The following NPAS2 variants were observed in gnomAD, a reference collection of about 807,000 sequenced individuals.
The protein encoded by NPAS2 is neuronal PAS domain protein 2.
NPAS2 carries 23 observed loss-of-function variants against 107.5 expected under a neutral mutation model. The observed-to-expected ratio is 0.21, with a 90% CI of 0.15 to 0.30. The LOEUF (loss-of-function observed/expected upper bound fraction) is 0.30. NPAS2 is among the 10% of genes least tolerant of loss of function. The pLI is 1.00. For missense variants in NPAS2, 756 were observed against 1,043.3 expected (o/e 0.72, Z 3.79); for synonymous variants, 403 against 417.5 (o/e 0.97, Z 0.42).
At chr2:100,987,400 G>A (rs1035242529) in intron 16 of NPAS2, 2 of 152,210 alleles carry the variant, frequency 1.3e-5, no homozygotes, top group Non-Finnish European at 2.9e-5. Context: ...ACACAGAGAT[G>A]ATCATGATGA....
At chr2:100,880,013 T>TG (rs1348683712) in intron 1 of NPAS2, among the ~76,000 whole-genome samples, 2 of 152,150 alleles carry the variant, frequency 1.3e-5, no homozygotes, top group Non-Finnish European at 2.9e-5. Flanking sequence ...TGGCCTGAAA[T>TG]GGGGGACCTC....
chr2:100,965,608 G>C lies in NPAS2; in HGVS notation c.801-52G>C. 1 of 1,202,280 alleles carries C rather than the reference G, an allele frequency of 8.3e-7. No homozygotes were observed. Among genetic ancestry groups the C allele is most frequent in the Non-Finnish European group, 1.2e-6 (1 of 812,894 alleles). The allele number at this position is 1,202,280 out of a possible 1,614,324, so 74.5% of individuals were successfully genotyped here. On this transcript the variant is annotated intron_variant, in intron 9 of 20. Coordinates refer to ENST00000335681, the MANE Select transcript of NPAS2 (RefSeq NM_002518.4). The surrounding 1 kb of genome is among the most constrained non-coding windows in gnomAD (Gnocchi z 4.3). ...TGGAAAGGCATGGCCACCAGGGTGA[G>C]CCCTGCAGGGTGTCTCCTCCCTGAT...
rs565572470 is a variant in NPAS2 at position 100,830,753 on chromosome 2, T to C, written c.-23+10339T>C. 2.6e-5 allele frequency among the ~76,000 whole-genome samples: 4 copies of C among 152,178 alleles called. No individual in the cohort carries two copies. In the South Asian group the frequency reaches 6.2e-4, roughly 24 times the overall value. ...TTGTATAGAAACATCCATCCATTAT[T>C]TTTTCAATCTCAGAACTTGATGGCT... On this transcript the variant is annotated intron_variant, in intron 1 of 20. Coordinates refer to ENST00000335681, the MANE Select transcript of NPAS2 (RefSeq NM_002518.4).
intron 1 of NPAS2, among the ~76,000 whole-genome samples, chr2:100,877,460 A>AG (rs1157775922): frequency 6.8e-6 from 1 of 147,900 alleles, no homozygotes; most frequent in Non-Finnish European, 1.5e-5. Context: ...AAAAAAAAAA[A>AG]AAAAAAAGAA....
intron 1 of NPAS2, among the ~76,000 whole-genome samples, chr2:100,832,549 T>C (rs1222310390): frequency 1.3e-5 from 2 of 152,162 alleles, no homozygotes; most frequent in Non-Finnish European, 2.9e-5. Context: ...TACTGTTTGG[T>C]ATATACACAG....
At chr2:100,839,991 C>G (rs1023536157) in intron 1 of NPAS2, among the ~76,000 whole-genome samples, 6 of 152,148 alleles carry the variant, frequency 3.9e-5, no homozygotes, top group African/African-American at 1.4e-4. Context: ...TGCGTGAAGG[C>G]AGATTTTTCT....
intron 1 of NPAS2, among the ~76,000 whole-genome samples, chr2:100,857,528 T>C (rs1678654691): frequency 6.6e-6 from 1 of 152,074 alleles, no homozygotes; most frequent in Non-Finnish European, 1.5e-5. Flanking sequence ...GGTCCATATT[T>C]AGGAACAGGC....
chr2:100,968,550 G>C lies in NPAS2; in HGVS notation c.1055+122G>C. ...TCACTCAGGTGTTCCCCATTTCGAA[G>C]ATGAAGCCCAGGCCATCCCCTGCCG... On this transcript the variant is annotated intron_variant, in intron 11 of 20. Transcript: ENST00000335681. This position sits in a 1 kb window ranked among gnomAD's most constrained non-coding sequence, Gnocchi z 5.3. The C allele has an allele frequency of 1.1e-6, 1 of 941,342 alleles. No homozygotes were observed. Among genetic ancestry groups the C allele is most frequent in the Non-Finnish European group, 1.6e-6 (1 of 634,960 alleles). The allele number at this position is 941,342 out of a possible 1,614,324, so 58.3% of individuals were successfully genotyped here.
chr2:100,872,851 C>G (rs1679662890), intron 1 of NPAS2, among the ~76,000 whole-genome samples: 1 of 152,138 alleles, frequency 6.6e-6, no homozygotes. Context: ...CCCCCTACCA[C>G]CTTGGTGCGT....
intron 15 of NPAS2, among the ~76,000 whole-genome samples, chr2:100,980,358 C>T (rs985162497): frequency 1.3e-5 from 2 of 152,192 alleles, no homozygotes; most frequent in Non-Finnish European, 2.9e-5. Context: ...TTGCTTTCTC[C>T]GTTGAATTCC....
chr2:100,860,525 C>G (rs1678873985), intron 1 of NPAS2, among the ~76,000 whole-genome samples: 1 of 152,182 alleles, frequency 6.6e-6, no homozygotes, highest in Admixed American at 6.5e-5. Flanking sequence ...ATTGATTTTT[C>G]TTGCTTGAAA....
chr2:100,909,737 GTT>G (rs34081201), intron 2 of NPAS2, among the ~76,000 whole-genome samples: 15,626 of 146,904 alleles, frequency 0.11, 943 homozygotes, highest in East Asian at 0.27. Flanking sequence ...CTTCCTCTTT[GTT>G]TTTTTTTTTT....
At chr2:100,882,899 TA>T (rs1680462347) in intron 1 of NPAS2, among the ~76,000 whole-genome samples, 2 of 152,174 alleles carry the variant, frequency 1.3e-5, no homozygotes, top group Admixed American at 1.3e-4. Flanking sequence ...TCGGCTGGGC[TA>T]GGGGAGGGGC....
intron 2 of NPAS2, among the ~76,000 whole-genome samples, chr2:100,916,087 A>C (rs1490581539): frequency 6.6e-6 from 1 of 152,198 alleles, no homozygotes; most frequent in Non-Finnish European, 1.5e-5. Flanking sequence ...AAGTCATACA[A>C]AGAAATATGG....
At chr2:100,987,921 G>T (rs1274652529) in intron 16 of NPAS2, 158 bp from the exon 17 acceptor site, 1 of 761,872 alleles carries the variant, frequency 1.3e-6, no homozygotes, top group South Asian at 1.7e-5. Context: ...TGAGCTTGGG[G>T]CATCACAGGT....
rs1010998555 is a variant in NPAS2 at position 100,968,546 on chromosome 2, C to T, written c.1055+118C>T. The T allele has an allele frequency of 2.0e-6, 2 of 981,262 alleles. No individual in the cohort carries two copies. Among genetic ancestry groups the T allele is most frequent in the Middle Eastern group, 3.2e-4 (1 of 3,084 alleles). 60.8% of individuals were successfully genotyped at this position (981,262 alleles called of 1,614,324 possible). A position where few individuals can be genotyped will look rare whatever the true frequency, so the allele number is the denominator to read the frequency against. ...GCAGTCACTCAGGTGTTCCCCATTTCGAAGATGAAGCCCAGGCCATCCCCT... is the reference window on the plus strand; with the variant it reads ...GCAGTCACTCAGGTGTTCCCCATTTTGAAGATGAAGCCCAGGCCATCCCCT... On this transcript the variant is annotated intron_variant, in intron 11 of 20. Coordinates refer to ENST00000335681, the MANE Select transcript of NPAS2 (RefSeq NM_002518.4). The surrounding 1 kb of genome is among the most constrained non-coding windows in gnomAD (Gnocchi z 5.3).
rs1168497958 is a variant in NPAS2, at chr2:100,993,541, C to T, written c.2292+14C>T. On this transcript the variant is annotated intron_variant, in intron 20 of 20. Transcript: ENST00000335681. ...CACTACCTGCAGGTGGGTGCCACGGCCCAGGGGGCCCCCGTGCAGGCCTGG... is the reference window on the plus strand; with the variant it reads ...CACTACCTGCAGGTGGGTGCCACGGTCCAGGGGGCCCCCGTGCAGGCCTGG... 4.0e-6 allele frequency: 6 copies of T among 1,509,936 alleles called. No homozygotes were observed. The highest frequency in any genetic ancestry group is 4.4e-6 in the Non-Finnish European group (5 of 1,124,556). The allele number at this position is 1,509,936 out of a possible 1,614,324, so 93.5% of individuals were successfully genotyped here.
At chr2:100,993,558 C>A in intron 20 of NPAS2, 31 bp downstream of exon 20, 1 of 1,476,408 alleles carries the variant, frequency 6.8e-7, no homozygotes, top group Non-Finnish European at 9.0e-7. Flanking sequence ...GGCCCCCGTG[C>A]AGGCCTGGGA....
rs763601395 is a variant in NPAS2, at chr2:100,990,458, C to T, written c.2018+12C>T. The T allele has an allele frequency of 6.2e-7, 1 of 1,613,616 alleles. No homozygotes were observed. The highest frequency in any genetic ancestry group is 8.5e-7 in the Non-Finnish European group (1 of 1,179,564). On this transcript the variant is annotated intron_variant, in intron 18 of 20. Transcript: ENST00000335681. ...GATCGGCAGCTCAGGTACGAGACTG[C>T]CCTTGTTTAAAGGATAACCCAGGCA...
Sources: allele counts gnomAD v4.1 joint callset (sites outside exome capture counted in the v4.1 genomes callset), GRCh38; gene constraint gnomAD v4.1.1; non-coding constraint Gnocchi (gnomAD v3.1); transcripts MANE v1.5; gene names NCBI Gene and HGNC (gene_info 2026-07-23, HGNC 2026-07-21).